DMD: variants seen among roughly 807,000 people sequenced by gnomAD.
DMD encodes dystrophin, also known as mutant dystrophin.
Under a neutral mutation model 330.1 loss-of-function variants are expected in DMD, and 63 were observed. That is an observed-to-expected ratio of 0.19 (90% CI 0.16 to 0.24). The LOEUF (loss-of-function observed/expected upper bound fraction) is 0.24, where lower values mean the gene tolerates loss of function less well. Among genes scored for constraint, DMD ranks in the 10% least tolerant of loss-of-function variants. The pLI is 1.00. For synonymous variants in DMD, 1,223 were observed against 959.8 expected (o/e 1.27, Z -5.07); for missense variants, 3,344 against 2,684.1 (o/e 1.25, Z -5.43).
At chrX:31,770,373 A>T (rs188821944) in intron 51 of DMD, among the ~76,000 whole-genome samples, 1 of 111,393 alleles carries the variant, frequency 9.0e-6, no homozygotes, top group East Asian at 2.8e-4. Flanking sequence ...TCTCTATTCA[A>T]CCTCATCAAT....
chrX:32,366,105 A>T (rs958314958), intron 34 of DMD, among the ~76,000 whole-genome samples: 3 of 112,681 alleles, frequency 2.7e-5, no homozygotes, highest in African/African-American at 9.7e-5. Flanking sequence ...CTAAGAGGTG[A>T]TTTATAAAAC....
chrX:31,681,951 C>T (rs1045144378), intron 52 of DMD, among the ~76,000 whole-genome samples: 12 of 111,249 alleles, frequency 1.1e-4, no homozygotes, highest in Non-Finnish European at 1.9e-4. Context: ...AAAATTAGCA[C>T]ACGCCTGTAA....
chrX:31,141,491 A>G (rs2036041188), intron 76 of DMD, among the ~76,000 whole-genome samples: 1 of 111,878 alleles, frequency 8.9e-6, no homozygotes, highest in Non-Finnish European at 1.9e-5. Flanking sequence ...ACCAATTAGG[A>G]AAGTATTCAT....
chrX:32,664,340 C>G (rs750183296), intron 9 of DMD, among the ~76,000 whole-genome samples: 11 of 105,157 alleles, frequency 1.0e-4, no homozygotes, highest in Non-Finnish European at 2.1e-4. Context: ...CTCCCGGGTT[C>G]ACGCCATTCT....
At chrX:31,767,591 A>G (rs1023545711) in intron 51 of DMD, among the ~76,000 whole-genome samples, 3 of 112,151 alleles carry the variant, frequency 2.7e-5, no homozygotes, top group African/African-American at 9.7e-5. Flanking sequence ...TGTAATAGCC[A>G]CTTTCTGCTG....
chrX:31,804,217 T>C (rs1027317915), intron 50 of DMD, among the ~76,000 whole-genome samples: 1 of 111,542 alleles, frequency 9.0e-6, no homozygotes, highest in African/African-American at 3.3e-5. Context: ...CCTAAAATAC[T>C]CCATAGTTTA....
intron 41 of DMD, among the ~76,000 whole-genome samples, chrX:32,329,040 C>A (rs1270951294): frequency 9.0e-6 from 1 of 111,628 alleles, no homozygotes; most frequent in Non-Finnish European, 1.9e-5. Flanking sequence ...TTCATTCAAT[C>A]ATTCATTCCA....
chrX:33,268,338 A>G (rs1751850912), intron 1 of DMD, among the ~76,000 whole-genome samples: 1 of 111,536 alleles, frequency 9.0e-6, no homozygotes, highest in Admixed American at 9.6e-5. Flanking sequence ...AACAAAAATA[A>G]AAATTGACAA....
At chrX:33,315,311 C>G (rs899681581) in intron 1 of DMD, among the ~76,000 whole-genome samples, 3 of 112,057 alleles carry the variant, frequency 2.7e-5, no homozygotes, top group African/African-American at 9.7e-5. Flanking sequence ...ATATCTGGCT[C>G]TTGACTGGCT....
chrX:31,695,785 A>T, intron 52 of DMD, among the ~76,000 whole-genome samples: 1 of 110,942 alleles, frequency 9.0e-6, no homozygotes, highest in Non-Finnish European at 1.9e-5. Context: ...GGGTGGATGG[A>T]AAAATGAGAG....
At chrX:32,891,787 G>A (rs1293473175) in intron 2 of DMD, among the ~76,000 whole-genome samples, 2 of 106,474 alleles carry the variant, frequency 1.9e-5, no homozygotes, top group East Asian at 6.3e-4. Context: ...ATAGAAAACT[G>A]ACAACTCCAA....
At chrX:32,973,952 T>C (rs2147154161) in intron 2 of DMD, among the ~76,000 whole-genome samples, 1 of 111,462 alleles carries the variant, frequency 9.0e-6, no homozygotes, top group African/African-American at 3.3e-5. Context: ...ATTTTTATTC[T>C]GATTATGGGA....
chrX:32,572,903 TA>T (rs916006363), intron 15 of DMD, among the ~76,000 whole-genome samples: 7 of 110,885 alleles, frequency 6.3e-5, no homozygotes, highest in African/African-American at 2.3e-4. Flanking sequence ...TCTGGTTGTT[TA>T]AAAGAGTCTG....
Position 33,259,997 on chromosome X carries a change from G to C in DMD, c.7+79262C>G, listed in dbSNP as rs147885994. Among the ~76,000 whole-genome samples the C allele has an allele frequency of 3.4e-4, 38 of 110,951 alleles. No homozygotes were observed. In the East Asian group the frequency reaches 0.01, roughly 30 times the overall value. On this transcript the variant is annotated intron_variant, in intron 1 of 17. Transcript: ENST00000288447. ...GGAAGGAGAGCTTGATTGTTTACAA[G>C]TTTGGTCAATTATGAATAATTATAA...
rs754162660 is a variant in DMD at position 32,013,093 on chromosome X, C to CT, written c.6439-44580dup. ...GGAAATTAATCTTTTCTTTTCTTTC[C>CT]TTTTTTTTTTTTTGAGATGGAATCT... On this transcript the variant is annotated intron_variant, in intron 44 of 78. Transcript: ENST00000357033. Among the ~76,000 whole-genome samples, 23 of 61,153 alleles carry CT rather than the reference C, an allele frequency of 3.8e-4. No homozygotes were observed. The South Asian group carries it at 4.9e-3, about 13-fold the overall frequency. The allele number at this position is 61,153 out of a possible 115,157, so 53.1% of individuals were successfully genotyped here.
chrX:33,006,382 C>A (rs1175045557), intron 2 of DMD, among the ~76,000 whole-genome samples: 1 of 111,717 alleles, frequency 9.0e-6, no homozygotes, highest in African/African-American at 3.2e-5. Flanking sequence ...AGTGTATTGG[C>A]AAAATAATAG....
chrX:32,630,527 C>CT (rs901959702), intron 11 of DMD, among the ~76,000 whole-genome samples: 2 of 110,775 alleles, frequency 1.8e-5, no homozygotes, highest in African/African-American at 3.3e-5. Flanking sequence ...CTTTTTAGGA[C>CT]TTTTTTGTCT....
rs145204667 is a variant in DMD at position 32,458,459 on chromosome X, G to A, written c.3433-3627C>T. 8.1e-5 allele frequency among the ~76,000 whole-genome samples: 9 copies of A among 111,321 alleles called. No individual in the cohort carries two copies. The East Asian group carries it at 2.5e-3, about 31-fold the overall frequency. ...AAATATTGCTGCTGTAAACATAGGG[G>A]TGCAGATACCTCCTTGAGATCCTGA... On this transcript the variant is annotated intron_variant, in intron 25 of 78. Transcript: ENST00000357033.
At position 31,648,617 on chromosome X, in the gene DMD, C is replaced by CAA. The variant is rs548846514; in HGVS notation, c.8027+9371_8027+9372dup. On this transcript the variant is annotated intron_variant, in intron 54 of 78. Transcript: ENST00000357033. Reference sequence around the variant, plus strand: ...TTCCCTACGGGGTGAAAGGGAGCTGCAAAAAAAAAAAAAAAAAAAAAAAAA... The same window carrying CAA: ...TTCCCTACGGGGTGAAAGGGAGCTGCAAAAAAAAAAAAAAAAAAAAAAAAAAA... 1.6e-4 allele frequency among the ~76,000 whole-genome samples: 3 copies of CAA among 18,986 alleles called. 1 individual carries two copies. The highest frequency in any genetic ancestry group is 5.1e-3 in the East Asian group (2 of 389). 16.5% of individuals were successfully genotyped at this position (18,986 alleles called of 115,157 possible). A position where few individuals can be genotyped will look rare whatever the true frequency, so the allele number is the denominator to read the frequency against.
Sources: gnomAD v4.1 joint callset for allele counts (sites outside exome capture counted in the v4.1 genomes callset) on GRCh38, gnomAD v4.1.1 for gene constraint, MANE v1.5 for transcripts, NCBI Gene and HGNC (gene_info 2026-07-23, HGNC 2026-07-21) for gene names.